Variants in ELL2 observed in about 807,000 individuals in gnomAD.
ELL2 encodes the protein elongation factor for RNA polymerase II 2.
In ELL2, 21 loss-of-function variants were observed where a neutral mutation model predicts 72.8. The ratio of observed to expected loss-of-function variants is 0.29; its 90% CI spans 0.20 to 0.42. ELL2 has a LOEUF of 0.42. Ranked by LOEUF, ELL2 falls within the 10% of genes least tolerant of loss-of-function variation. The pLI is 1.00. For synonymous variants in ELL2, 266 were observed against 283.2 expected (o/e 0.94, Z 0.61); for missense variants, 568 against 772.8 (o/e 0.73, Z 3.14).
At chr5:95,954,736 G>A (rs1371342706) in intron 1 of ELL2, among the ~76,000 whole-genome samples, 7 of 151,384 alleles carry the variant, frequency 4.6e-5, no homozygotes, top group South Asian at 2.1e-4. Context: ...CACTGCGCCC[G>A]GCCAATATCT....
At chr5:95,898,860 T>C (rs1175743048) in intron 7 of ELL2, 50 bp from the exon 8 acceptor site, 6 of 1,374,056 alleles carry the variant, frequency 4.4e-6, no homozygotes, top group Non-Finnish European at 5.9e-6. Flanking sequence ...TAAAATTAAA[T>C]AAATTCAATA....
Position 95,961,818 on chromosome 5 carries a change from G to A in ELL2, c.-97C>T. On this transcript the variant is annotated 5_prime_UTR_variant, in exon 1 of 12. Transcript: ENST00000237853. ...GCTTCTGCAGCCGCCGCCACTGCTA[G>A]GGCCATCCCGCTGCTGACGTACTGT... The A allele has an allele frequency of 1.4e-6, 2 of 1,421,150 alleles. No homozygotes were observed. The highest frequency in any genetic ancestry group is 1.9e-6 in the Non-Finnish European group (2 of 1,078,000). The allele number at this position is 1,421,150 out of a possible 1,614,324, so 88.0% of individuals were successfully genotyped here.
At chr5:95,899,679 T>C (rs1749057029) in intron 7 of ELL2, among the ~76,000 whole-genome samples, 1 of 152,250 alleles carries the variant, frequency 6.6e-6, no homozygotes. Flanking sequence ...GCTTGTATTC[T>C]GGCTTGAAAG....
At chr5:95,920,957 C>T (rs1750053106) in intron 2 of ELL2, among the ~76,000 whole-genome samples, 1 of 152,188 alleles carries the variant, frequency 6.6e-6, no homozygotes, top group African/African-American at 2.4e-5. Flanking sequence ...CACTCACACT[C>T]ATGAATGGGC....
At chr5:95,916,499 C>T (rs954368310) in intron 3 of ELL2, among the ~76,000 whole-genome samples, 3 of 152,080 alleles carry the variant, frequency 2.0e-5, no homozygotes, top group Non-Finnish European at 4.4e-5. Context: ...CTGGAACAGA[C>T]GCTTCAAGCA....
At chr5:95,958,090 T>A (rs1751683915) in intron 1 of ELL2, among the ~76,000 whole-genome samples, 1 of 152,202 alleles carries the variant, frequency 6.6e-6, no homozygotes, top group African/African-American at 2.4e-5. Flanking sequence ...AGGCCAGAGC[T>A]GCTTAGAGGC....
chr5:95,926,509 A>G (rs1408679091), intron 2 of ELL2, among the ~76,000 whole-genome samples: 1 of 152,204 alleles, frequency 6.6e-6, no homozygotes, highest in Non-Finnish European at 1.5e-5. Flanking sequence ...TTAATAAATA[A>G]TTCAGGAAAA....
chr5:95,916,373 A>G (rs1251068626), intron 3 of ELL2, among the ~76,000 whole-genome samples: 2 of 152,158 alleles, frequency 1.3e-5, no homozygotes, highest in African/African-American at 2.4e-5. Context: ...GAGGGAACCA[A>G]CTGTGAAGAA....
At chr5:95,957,085 C>T (rs1751653997) in intron 1 of ELL2, among the ~76,000 whole-genome samples, 1 of 152,166 alleles carries the variant, frequency 6.6e-6, no homozygotes, top group South Asian at 2.1e-4. Context: ...AGTCAGCAAA[C>T]ATGGTAGTAT....
intron 5 of ELL2, 53 bp from the exon 6 acceptor site, chr5:95,901,133 A>C (rs1240105306): frequency 1.3e-6 from 2 of 1,542,444 alleles, no homozygotes; most frequent in Non-Finnish European, 1.7e-6. Flanking sequence ...TCATCTCCTA[A>C]CCTAAAACAG....
At chr5:95,906,087 A>G (rs1329210275) in intron 5 of ELL2, among the ~76,000 whole-genome samples, 1 of 152,246 alleles carries the variant, frequency 6.6e-6, no homozygotes, top group Non-Finnish European at 1.5e-5. Context: ...AGGGCAGCAC[A>G]AAGTATGTGG....
At chr5:95,891,829 C>T (rs1309922191) in intron 9 of ELL2, among the ~76,000 whole-genome samples, 1 of 152,188 alleles carries the variant, frequency 6.6e-6, no homozygotes, top group East Asian at 1.9e-4. Context: ...TATCCCTTTC[C>T]TCATATTTCT....
Position 95,895,012 on chromosome 5 carries a change from C to G in ELL2, c.1589+616G>C, listed in dbSNP as rs564168434. Among the ~76,000 whole-genome samples the G allele has an allele frequency of 6.9e-4, 105 of 152,242 alleles. 1 individual carries two copies. Among genetic ancestry groups the G allele is most frequent in the African/African-American group, 1.9e-3 (80 of 41,548 alleles). Reference sequence around the variant, plus strand: ...TTTCTTCTTACAGAGGCCTTTTATTCTGCAAAAAAGCTAGAATTATGTGTC... The same window carrying G: ...TTTCTTCTTACAGAGGCCTTTTATTGTGCAAAAAAGCTAGAATTATGTGTC... On this transcript the variant is annotated intron_variant, in intron 9 of 11. Transcript: ENST00000237853.
intron 2 of ELL2, among the ~76,000 whole-genome samples, chr5:95,942,432 T>C (rs1001888722): frequency 2.6e-5 from 4 of 152,170 alleles, no homozygotes; most frequent in African/African-American, 7.2e-5. Context: ...CTGTAAACTT[T>C]ATCATCTATC....
chr5:95,931,159 C>T (rs991235697), intron 2 of ELL2, among the ~76,000 whole-genome samples: 3 of 151,700 alleles, frequency 2.0e-5, no homozygotes, highest in African/African-American at 7.3e-5. Context: ...GAGCAAACTA[C>T]CCAGTTTCCA....
chr5:95,950,750 AG>A (rs1751341088), intron 1 of ELL2, among the ~76,000 whole-genome samples: 1 of 151,628 alleles, frequency 6.6e-6, no homozygotes, highest in South Asian at 2.1e-4. Flanking sequence ...ATTTCTTTCT[AG>A]CCACTACAGC....
chr5:95,927,420 GACATACACACACACGTGTGTA>G (rs1750353174), intron 2 of ELL2, among the ~76,000 whole-genome samples: 3 of 33,628 alleles, frequency 8.9e-5, no homozygotes, highest in Non-Finnish European at 1.4e-4. Context: ...TGTGTATATA[GACATACACACACACGTGTGTA>G]TATAGACATA....
rs1286821093 is a variant in ELL2 at position 95,961,792 on chromosome 5, G to A, written c.-71C>T. The A allele has an allele frequency of 6.8e-7, 1 of 1,479,304 alleles. No individual in the cohort carries two copies. Among genetic ancestry groups the A allele is most frequent in the Admixed American group, 2.5e-5 (1 of 40,074 alleles). 91.6% of individuals were successfully genotyped at this position (1,479,304 alleles called of 1,614,324 possible). On this transcript the variant is annotated 5_prime_UTR_variant, in exon 1 of 12. Coordinates refer to ENST00000237853, the MANE Select transcript of ELL2 (RefSeq NM_012081.6). ...CCTCCACTGCGGCCGCGGCTGCTTG[G>A]GCTTCTGCAGCCGCCGCCACTGCTA...
At chr5:95,906,914 C>G (rs1386465915) in intron 4 of ELL2, 132 bp from the exon 5 acceptor site, 1 of 895,228 alleles carries the variant, frequency 1.1e-6, no homozygotes, top group East Asian at 2.9e-5. Flanking sequence ...TTATTTCAAT[C>G]TTTAAGAAGG....
Sources: allele counts gnomAD v4.1 joint callset (sites outside exome capture counted in the v4.1 genomes callset), GRCh38; gene constraint gnomAD v4.1.1; transcripts MANE v1.5; gene names NCBI Gene and HGNC (gene_info 2026-07-23, HGNC 2026-07-21).